TNR: variants seen among roughly 807,000 people sequenced by gnomAD.
TNR encodes tenascin R, also known as tenascin-R.
Under a neutral mutation model 150.4 loss-of-function variants are expected in TNR, and 45 were observed. The ratio of observed to expected loss-of-function variants is 0.30; its 90% CI spans 0.24 to 0.38. TNR has a LOEUF of 0.38. Among genes scored for constraint, TNR ranks in the 10% least tolerant of loss-of-function variants. TNR has a pLI of 1.00. For missense variants in TNR, 1,544 were observed against 1,759.1 expected, an observed-to-expected ratio of 0.88 and a Z score of 2.19; for synonymous variants, 687 against 678.4, an observed-to-expected ratio of 1.01 and a Z score of -0.20.
In TNR at chr1:175,391,285, C is replaced by T. The variant is rs1653152823; in HGVS notation, c.1507+3G>A. On this transcript the variant is annotated splice_donor_region_variant and intron_variant, in intron 7 of 22. Coordinates refer to ENST00000367674, the MANE Select transcript of TNR (RefSeq NM_003285.3). ...TCTAGGGAGAAGGGTTGGAGGCACT[C>T]ACCTGTGGAGACGCTGGCCGAGGTA... 2 of 1,613,212 alleles carry T rather than the reference C, an allele frequency of 1.2e-6. No individual in the cohort carries two copies. The highest frequency in any genetic ancestry group is 2.2e-5 in the East Asian group (1 of 44,890).
At chr1:175,582,321 T>C (rs554394657) in intron 1 of TNR, among the ~76,000 whole-genome samples, 2 of 152,308 alleles carry the variant, frequency 1.3e-5, no homozygotes, top group African/African-American at 4.8e-5. Flanking sequence ...TATTGCTGCA[T>C]TGTTTTCGTT....
chr1:175,605,608 G>A (rs149764936), intron 1 of TNR, among the ~76,000 whole-genome samples: 1 of 152,238 alleles, frequency 6.6e-6, no homozygotes, highest in African/African-American at 2.4e-5. Context: ...GCACAGGTAG[G>A]GCCACAGGAG....
At chr1:175,726,433 T>A (rs1380896555) in intron 1 of TNR, among the ~76,000 whole-genome samples, 1 of 152,218 alleles carries the variant, frequency 6.6e-6, no homozygotes, top group Non-Finnish European at 1.5e-5. Context: ...GGCCTGAACC[T>A]TAATATGAAA....
chr1:175,598,704 A>G lies in TNR; in HGVS notation c.-164-70335T>C, dbSNP rs1571659287. Among the ~76,000 whole-genome samples the G allele has an allele frequency of 2.0e-5, 3 of 152,344 alleles. No homozygotes were observed. In the South Asian group the frequency reaches 6.2e-4, roughly 32 times the overall value. On this transcript the variant is annotated intron_variant, in intron 1 of 22. Transcript: ENST00000367674. ...AGTATGCACTCTGCAGTTAGTTTCT[A>G]GAAGGACAGAATATGGGTCACATCT...
At chr1:175,584,505 T>C (rs1180057817) in intron 1 of TNR, among the ~76,000 whole-genome samples, 1 of 152,222 alleles carries the variant, frequency 6.6e-6, no homozygotes, top group East Asian at 1.9e-4. Flanking sequence ...CATCCAGTTT[T>C]TGATACTTTG....
intron 9 of TNR, among the ~76,000 whole-genome samples, chr1:175,374,840 G>A (rs182638860): frequency 1.8e-4 from 27 of 152,320 alleles, no homozygotes; most frequent in East Asian, 3.9e-4. Context: ...TCCTGTGACC[G>A]TATGGGCCTG....
chr1:175,333,207 G>C (rs929320062), intron 20 of TNR: 1 of 151,960 alleles, frequency 6.6e-6, no homozygotes, highest in Non-Finnish European at 1.5e-5. Flanking sequence ...TTTATTTATG[G>C]CACATGATAA....
chr1:175,324,891 T>C (rs1048551525), intron 21 of TNR, among the ~76,000 whole-genome samples: 1 of 152,022 alleles, frequency 6.6e-6, no homozygotes, highest in African/African-American at 2.4e-5. Flanking sequence ...CCAGGCAGAC[T>C]TGGGCCATTC....
intron 2 of TNR, among the ~76,000 whole-genome samples, chr1:175,512,196 CATTTAG>C (rs1258331255): frequency 1.3e-5 from 2 of 152,166 alleles, no homozygotes; most frequent in Admixed American, 6.5e-5. Context: ...GAAAGTGAGC[CATTTAG>C]AAGGAGGAGC....
intron 1 of TNR, among the ~76,000 whole-genome samples, chr1:175,674,325 G>A (rs1363079160): frequency 2.0e-5 from 3 of 152,198 alleles, no homozygotes; most frequent in Non-Finnish European, 4.4e-5. Flanking sequence ...TGTTTAAAAT[G>A]GAACAGAAAG....
chr1:175,711,750 C>T (rs1018799522), intron 1 of TNR, among the ~76,000 whole-genome samples: 6 of 152,078 alleles, frequency 3.9e-5, no homozygotes, highest in Non-Finnish European at 5.9e-5. Flanking sequence ...AAAGATGGAA[C>T]GAATGGGGAT....
At chr1:175,613,274 G>T (rs1348351323) in intron 1 of TNR, among the ~76,000 whole-genome samples, 1 of 152,082 alleles carries the variant, frequency 6.6e-6, no homozygotes, top group African/African-American at 2.4e-5. Flanking sequence ...GCTAGCCAGG[G>T]CCCAAATCCT....
intron 2 of TNR, among the ~76,000 whole-genome samples, chr1:175,517,063 G>GGGAGAGAGAGAGAGAGAGAGAA (rs1659444429): frequency 6.8e-6 from 1 of 146,404 alleles, no homozygotes; most frequent in African/African-American, 2.7e-5. Flanking sequence ...GAGAGAAAGA[G>GGGAGAGAGAGAGAGAGAGAGAA]AGAGAGACCT....
At chr1:175,573,096 T>C (rs1212707450) in intron 1 of TNR, among the ~76,000 whole-genome samples, 1 of 152,228 alleles carries the variant, frequency 6.6e-6, no homozygotes, top group Non-Finnish European at 1.5e-5. Flanking sequence ...TCCAAATTGA[T>C]CCTCTGATTA....
At chr1:175,656,197 G>GTGTGT (rs1558057750) in intron 1 of TNR, among the ~76,000 whole-genome samples, 3 of 122,398 alleles carry the variant, frequency 2.5e-5, no homozygotes, top group South Asian at 2.7e-4. Flanking sequence ...TGTGTATGTG[G>GTGTGT]TCTACCTTTT....
At chr1:175,329,994 T>G (rs1460374738) in intron 21 of TNR, 80 bp downstream of exon 21, 1 of 1,378,306 alleles carries the variant, frequency 7.3e-7, no homozygotes, top group African/African-American at 1.4e-5. Context: ...TGCTGCTTCC[T>G]GAGGCAGCTT....
At position 175,517,161 on chromosome 1, in the gene TNR, A is replaced by G. The variant is rs117539269; in HGVS notation, c.-64+11108T>C. On this transcript the variant is annotated intron_variant, in intron 2 of 22. Coordinates refer to ENST00000367674, the MANE Select transcript of TNR (RefSeq NM_003285.3). ...AGGTGCTGAAATATCTTTTCTGGAC[A>G]CTTTCCCCTACCTCCCCCCAACATT... Among the ~76,000 whole-genome samples the G allele has an allele frequency of 3.4e-3, 523 of 152,150 alleles. 8 individuals carry two copies. The highest frequency in any genetic ancestry group is 0.032 in the East Asian group (165 of 5,166).
intron 18 of TNR, among the ~76,000 whole-genome samples, chr1:175,343,653 C>A (rs1650632997): frequency 6.6e-6 from 1 of 152,162 alleles, no homozygotes; most frequent in Non-Finnish European, 1.5e-5. Context: ...CCTTATTCAT[C>A]ACTCAGCACT....
chr1:175,578,423 T>C (rs1331344979), intron 1 of TNR, among the ~76,000 whole-genome samples: 1 of 151,886 alleles, frequency 6.6e-6, no homozygotes, highest in Non-Finnish European at 1.5e-5. Flanking sequence ...ATCAACAGGA[T>C]AGATGCTGTG....
Sources: allele counts gnomAD v4.1 joint callset (sites outside exome capture counted in the v4.1 genomes callset), GRCh38; gene constraint gnomAD v4.1.1; transcripts MANE v1.5; gene names NCBI Gene and HGNC (gene_info 2026-07-23, HGNC 2026-07-21).